The following PIERCE1 variants were observed in gnomAD, a reference collection of about 807,000 sequenced individuals.
The protein encoded by PIERCE1 is piercer of microtubule wall 1, also known as piercer of microtubule wall 1 protein.
At chr9:135,499,159 C>T in the PIERCE1 span, 2 of 319,614 alleles carry the variant, frequency 6.3e-6, no homozygotes, top group South Asian at 2.6e-5. Flanking sequence ...TTACTTTATA[C>T]TCCTAGATCT....
the PIERCE1 span, chr9:135,498,481 C>T: frequency 3.2e-6 from 3 of 925,692 alleles, no homozygotes; most frequent in Admixed American, 2.1e-5. This position sits in a 1 kb window ranked among gnomAD's most constrained non-coding sequence, Gnocchi z 4.1. Flanking sequence ...CTGGGTGCAC[C>T]CCTCCCCGTC....
the PIERCE1 span, chr9:135,499,808 G>A: frequency 1.9e-6 from 3 of 1,603,480 alleles, no homozygotes; most frequent in Non-Finnish European, 2.6e-6. Context: ...CGTGGCCTTG[G>A]GCGCCACAGG....
At chr9:135,496,416 G>A in the PIERCE1 span, among the ~76,000 whole-genome samples, 2 of 152,224 alleles carry the variant, frequency 1.3e-5, no homozygotes, top group Non-Finnish European at 2.9e-5. Flanking sequence ...TTCCTGAAGC[G>A]AGTGGTCTGG....
chr9:135,499,275 C>G, the PIERCE1 span, among the ~76,000 whole-genome samples: 1 of 152,260 alleles, frequency 6.6e-6, no homozygotes, highest in Non-Finnish European at 1.5e-5. Flanking sequence ...GTGATGAGCA[C>G]GGCAAGATGT....
chr9:135,495,306 T>C, the PIERCE1 span: 5 of 937,276 alleles, frequency 5.3e-6, no homozygotes, highest in Admixed American at 2.5e-5. Context: ...AGACGAATAA[T>C]ATTTTCAGGG....
the PIERCE1 span, among the ~76,000 whole-genome samples, chr9:135,497,750 C>A: frequency 6.6e-6 from 1 of 152,244 alleles, no homozygotes; most frequent in African/African-American, 2.4e-5. Flanking sequence ...CATAGAAATA[C>A]CTGATCCCCA....
the PIERCE1 span, among the ~76,000 whole-genome samples, chr9:135,497,390 G>C: frequency 3.1e-5 from 4 of 127,312 alleles, no homozygotes; most frequent in Non-Finnish European, 1.6e-5. Context: ...AGTGTGCTGG[G>C]TTTTTTTTTC....
the PIERCE1 span, among the ~76,000 whole-genome samples, chr9:135,497,496 T>G: frequency 6.6e-6 from 1 of 152,140 alleles, no homozygotes; most frequent in African/African-American, 2.4e-5. Context: ...CAAGGCTGAC[T>G]GCAGCCTCAA....
the PIERCE1 span, among the ~76,000 whole-genome samples, chr9:135,497,682 C>T: frequency 1.4e-4 from 21 of 152,288 alleles, no homozygotes; most frequent in African/African-American, 5.1e-4. Flanking sequence ...ACCTCAGCCT[C>T]CCAAAGTGCT....
At chr9:135,498,518 G>A in the PIERCE1 span, 1 of 1,421,860 alleles carries the variant, frequency 7.0e-7, no homozygotes, top group Non-Finnish European at 9.9e-7. This position sits in a 1 kb window ranked among gnomAD's most constrained non-coding sequence, Gnocchi z 4.1. Context: ...GAGAACCCCA[G>A]GTTTTTAGCC....
chr9:135,499,162 C>G, the PIERCE1 span: 1 of 321,850 alleles, frequency 3.1e-6, no homozygotes, highest in Non-Finnish European at 6.0e-6. Context: ...CTTTATACTC[C>G]TAGATCTTGG....
chr9:135,498,576 C>T, the PIERCE1 span: 2 of 1,613,530 alleles, frequency 1.2e-6, no homozygotes, highest in Non-Finnish European at 1.7e-6. This position sits in a 1 kb window ranked among gnomAD's most constrained non-coding sequence, Gnocchi z 4.1. Flanking sequence ...GGTCTTGCAT[C>T]CCACTTACAG....
chr9:135,498,555 C>G, the PIERCE1 span: 1 of 1,607,116 alleles, frequency 6.2e-7, no homozygotes, highest in African/African-American at 1.3e-5. This position sits in a 1 kb window ranked among gnomAD's most constrained non-coding sequence, Gnocchi z 4.1. Context: ...CACCCCCTGC[C>G]CCCCATGCCC....
chr9:135,495,223 A>G, the PIERCE1 span: 1 of 519,190 alleles, frequency 1.9e-6, no homozygotes, highest in Non-Finnish European at 3.4e-6. Flanking sequence ...AACCATTAGC[A>G]TCTTTCCCAT....
chr9:135,499,810 C>T, the PIERCE1 span: 2 of 1,603,144 alleles, frequency 1.2e-6, no homozygotes, highest in Non-Finnish European at 1.7e-6. Flanking sequence ...TGGCCTTGGG[C>T]GCCACAGGCT....
At chr9:135,495,479 C>G in the PIERCE1 span, 4 of 1,613,886 alleles carry the variant, frequency 2.5e-6, no homozygotes, top group East Asian at 6.7e-5. Flanking sequence ...GAAGTTGAGC[C>G]GGTCACAGGA....
At chr9:135,495,350 G>A in the PIERCE1 span, 113 of 1,348,506 alleles carry the variant, frequency 8.4e-5, no homozygotes, top group South Asian at 1.1e-3. Flanking sequence ...ACAATCGGGC[G>A]ACTGTGGGTG....
chr9:135,497,040 A>G, the PIERCE1 span, among the ~76,000 whole-genome samples: 4,853 of 151,882 alleles, frequency 0.032, 283 homozygotes, highest in African/African-American at 0.11. Context: ...CAGGTGATCC[A>G]CCCGCCTCGG....
At chr9:135,498,542 AC>A in the PIERCE1 span, 22 of 1,587,440 alleles carry the variant, frequency 1.4e-5, no homozygotes, top group East Asian at 6.7e-5. This position sits in a 1 kb window ranked among gnomAD's most constrained non-coding sequence, Gnocchi z 4.1. Flanking sequence ...TCTTGAGGCC[AC>A]CCACCCCCTG....
Sources: allele counts gnomAD v4.1 joint callset (sites outside exome capture counted in the v4.1 genomes callset), GRCh38; gene constraint gnomAD v4.1.1; non-coding constraint Gnocchi (gnomAD v3.1); transcripts MANE v1.5; gene names NCBI Gene and HGNC (gene_info 2026-07-23, HGNC 2026-07-21).